The following PREX2 variants were observed in gnomAD, a reference collection of about 807,000 sequenced individuals.
PREX2 encodes phosphatidylinositol-3,4,5-trisphosphate dependent Rac exchange factor 2, also known as phosphatidylinositol 3,4,5-trisphosphate-dependent Rac exchanger 2 protein.
Under a neutral mutation model 203.2 loss-of-function variants are expected in PREX2, and 107 were observed. The ratio of observed to expected loss-of-function variants is 0.53; its 90% CI spans 0.45 to 0.62. The LOEUF (loss-of-function observed/expected upper bound fraction) is 0.62. Among genes scored for constraint, PREX2 ranks in the 20% least tolerant of loss-of-function variants. The pLI is 0.00. For synonymous variants in PREX2, 672 were observed against 663.6 expected, an observed-to-expected ratio of 1.01 and a Z score of -0.19; for missense variants, 1,777 against 1,955.9, an observed-to-expected ratio of 0.91 and a Z score of 1.72.
At chr8:68,197,790 TTA>T (rs1242194248) in intron 37 of PREX2, among the ~76,000 whole-genome samples, 1 of 148,540 alleles carries the variant, frequency 6.7e-6, no homozygotes, top group East Asian at 1.9e-4. Flanking sequence ...ATATGCTATA[TTA>T]TATATATGCT....
At chr8:68,145,874 G>T (rs16934231) in intron 33 of PREX2, among the ~76,000 whole-genome samples, 17,025 of 152,048 alleles carry the variant, frequency 0.11, 1,239 homozygotes, top group East Asian at 0.2. Flanking sequence ...ACTAAAATGT[G>T]AATGAAGCAG....
At chr8:68,088,393 A>G (rs1478495790) in intron 19 of PREX2, among the ~76,000 whole-genome samples, 3 of 152,228 alleles carry the variant, frequency 2.0e-5, no homozygotes, top group Non-Finnish European at 4.4e-5. Flanking sequence ...AATAACTGTC[A>G]GATCCCACAT....
chr8:68,114,137 C>G (rs912755118), intron 25 of PREX2, among the ~76,000 whole-genome samples: 1 of 152,188 alleles, frequency 6.6e-6, no homozygotes, highest in East Asian at 1.9e-4. Flanking sequence ...GCTGGGATTA[C>G]AGGCATGAGC....
intron 9 of PREX2, among the ~76,000 whole-genome samples, chr8:68,054,955 C>G (rs959942291): frequency 1.3e-5 from 2 of 152,236 alleles, no homozygotes; most frequent in Admixed American, 1.3e-4. Context: ...AATATCTTAT[C>G]AATAGTGCCT....
intron 11 of PREX2, among the ~76,000 whole-genome samples, chr8:68,068,615 A>G (rs1001147282): frequency 2.6e-5 from 4 of 152,088 alleles, no homozygotes; most frequent in Admixed American, 2.6e-4. Context: ...TCAAATCACA[A>G]TGCACTAGTT....
At chr8:68,220,073 TATA>T (rs1194883120) in intron 38 of PREX2, 1 of 151,788 alleles carries the variant, frequency 6.6e-6, no homozygotes, top group Admixed American at 6.6e-5. Flanking sequence ...AAATGAATAA[TATA>T]ATGAAAAAAC....
intron 35 of PREX2, among the ~76,000 whole-genome samples, chr8:68,160,851 T>A (rs1811639810): frequency 6.6e-6 from 1 of 152,132 alleles, no homozygotes; most frequent in African/African-American, 2.4e-5. Flanking sequence ...CTTTCTCTTT[T>A]TTGACAGTTT....
intron 23 of PREX2, chr8:68,105,076 A>G (rs1810367846): frequency 7.8e-7 from 1 of 1,279,618 alleles, no homozygotes; most frequent in African/African-American, 1.5e-5. Context: ...CCATTTGCAC[A>G]ATCAGGATGT....
intron 1 of PREX2, among the ~76,000 whole-genome samples, chr8:68,005,483 C>G (rs1807068033): frequency 6.6e-6 from 1 of 152,214 alleles, no homozygotes; most frequent in Admixed American, 6.5e-5. Flanking sequence ...ATCACCCAGG[C>G]CATCCATGAC....
chr8:68,105,315 G>T, intron 23 of PREX2: 1 of 1,367,546 alleles, frequency 7.3e-7, no homozygotes, highest in Non-Finnish European at 9.8e-7. Flanking sequence ...CATTCCTGAG[G>T]ACCTTCCTTC....
rs968793527 is a variant in PREX2 at position 68,235,991 on chromosome 8, A to G, written c.*4613A>G. The G allele has an allele frequency of 1.3e-5, 2 of 152,164 alleles. No individual in the cohort carries two copies. The highest frequency in any genetic ancestry group is 2.9e-5 in the Non-Finnish European group (2 of 68,034). 9.4% of individuals were successfully genotyped at this position (152,164 alleles called of 1,614,324 possible). On this transcript the variant is annotated 3_prime_UTR_variant, in exon 40 of 40. Coordinates refer to ENST00000288368, the MANE Select transcript of PREX2 (RefSeq NM_024870.4). Reference sequence around the variant, plus strand: ...CTAAATGAGATATATATGTGTATGTATATGCCTATATATATTATTATATTT... The same window carrying G: ...CTAAATGAGATATATATGTGTATGTGTATGCCTATATATATTATTATATTT...
intron 8 of PREX2, among the ~76,000 whole-genome samples, chr8:68,050,137 A>G (rs141054202): frequency 6.6e-6 from 1 of 152,276 alleles, no homozygotes; most frequent in African/African-American, 2.4e-5. Flanking sequence ...TATAAACTTT[A>G]AAAGGGAACA....
At chr8:68,226,078 G>A (rs1813051743) in intron 39 of PREX2, among the ~76,000 whole-genome samples, 2 of 152,018 alleles carry the variant, frequency 1.3e-5, no homozygotes, top group Admixed American at 6.6e-5. Context: ...GAAACGAAAC[G>A]CAATAAAATG....
intron 10 of PREX2, among the ~76,000 whole-genome samples, chr8:68,058,946 G>A (rs375944486): frequency 1.5e-3 from 223 of 151,944 alleles, no homozygotes; most frequent in Non-Finnish European, 2.5e-3. Flanking sequence ...AATAGAAAAC[G>A]AATGGTTTTG....
At chr8:68,204,030 T>C (rs1349580875) in intron 37 of PREX2, among the ~76,000 whole-genome samples, 1 of 152,060 alleles carries the variant, frequency 6.6e-6, no homozygotes, top group African/African-American at 2.4e-5. Context: ...TTCAGTTAAA[T>C]TCCCCCCGCC....
chr8:68,069,833 A>G lies in PREX2; in HGVS notation c.1444-2A>G. 1 of 1,487,938 alleles carries G rather than the reference A, an allele frequency of 6.7e-7. No homozygotes were observed. The allele number at this position is 1,487,938 out of a possible 1,614,324, so 92.2% of individuals were successfully genotyped here. A position where few individuals can be genotyped will look rare whatever the true frequency, so the allele number is the denominator to read the frequency against. On this transcript the variant is annotated splice_acceptor_variant, in intron 12 of 39. Coordinates refer to ENST00000288368, the MANE Select transcript of PREX2 (RefSeq NM_024870.4). LOFTEE classifies it high-confidence loss of function. ...TTTTTGATATATCTCTATTTTACGT[A>G]GGGTGTAAGATTATATTGTCGTCTT...
intron 35 of PREX2, among the ~76,000 whole-genome samples, chr8:68,166,454 A>G (rs761610579): frequency 2.0e-5 from 3 of 152,218 alleles, no homozygotes; most frequent in Non-Finnish European, 4.4e-5. Flanking sequence ...ACCTAGGAGC[A>G]TGGATTCAAG....
intron 35 of PREX2, among the ~76,000 whole-genome samples, 164 bp from the exon 36 acceptor site, chr8:68,191,558 A>G (rs1812294814): frequency 6.6e-6 from 1 of 152,206 alleles, no homozygotes; most frequent in African/African-American, 2.4e-5. Context: ...CCATCTTTTT[A>G]AAATGGAAAC....
At chr8:68,156,969 A>G (rs1585833995) in intron 34 of PREX2, among the ~76,000 whole-genome samples, 1 of 152,150 alleles carries the variant, frequency 6.6e-6, no homozygotes, top group African/African-American at 2.4e-5. Context: ...AGATCAAAAT[A>G]ATCCTTATGC....
Sources: allele counts gnomAD v4.1 joint callset (sites outside exome capture counted in the v4.1 genomes callset), GRCh38; gene constraint gnomAD v4.1.1; transcripts MANE v1.5; gene names NCBI Gene and HGNC (gene_info 2026-07-23, HGNC 2026-07-21).